The following MCTP1 variants were observed in gnomAD, a reference collection of about 807,000 sequenced individuals.
The protein encoded by MCTP1 is multiple C2 and transmembrane domain-containing protein 1.
Under a neutral mutation model 120.6 loss-of-function variants are expected in MCTP1, and 69 were observed. The ratio of observed to expected loss-of-function variants is 0.57; its 90% CI spans 0.47 to 0.70. The LOEUF (loss-of-function observed/expected upper bound fraction) is 0.70. Ranked by LOEUF, MCTP1 falls within the 30% of genes least tolerant of loss-of-function variation. The pLI, the probability that MCTP1 is intolerant of heterozygous loss-of-function variation, is 0.00. For synonymous variants in MCTP1, 529 were observed against 493.1 expected (o/e 1.07, Z -0.96); for missense variants, 1,203 against 1,248.8 (o/e 0.96, Z 0.55).
intron 2 of MCTP1, among the ~76,000 whole-genome samples, chr5:94,964,189 G>T (rs75418617): frequency 1.8e-4 from 27 of 152,076 alleles, no homozygotes; most frequent in African/African-American, 6.0e-4. Flanking sequence ...TGTGGCTTTT[G>T]ATTTTTAGCT....
intron 19 of MCTP1, among the ~76,000 whole-genome samples, chr5:94,751,344 T>C (rs182646236): frequency 6.6e-6 from 1 of 151,544 alleles, no homozygotes; most frequent in Non-Finnish European, 1.5e-5. Context: ...AATCACAGTT[T>C]AATTTCCTTC....
intron 1 of MCTP1, among the ~76,000 whole-genome samples, chr5:95,267,329 T>C (rs1410673462): frequency 1.3e-5 from 2 of 152,226 alleles, no homozygotes; most frequent in African/African-American, 2.4e-5. Flanking sequence ...TTTACAGTTG[T>C]AACATCTGGA....
chr5:94,819,118 T>TATTTATTTATTTATTCATTC (rs78332652), intron 17 of MCTP1, among the ~76,000 whole-genome samples: 51 of 140,728 alleles, frequency 3.6e-4, no homozygotes, highest in Non-Finnish European at 5.7e-4. Flanking sequence ...TTTATTTATT[T>TATTTATTTATTTATTCATTC]ATTCATTCAT....
At chr5:94,800,076 A>G (rs1394526154) in intron 17 of MCTP1, among the ~76,000 whole-genome samples, 1 of 152,192 alleles carries the variant, frequency 6.6e-6, no homozygotes, top group African/African-American at 2.4e-5. Flanking sequence ...AGCAACGTAT[A>G]TATCCCCTCT....
At chr5:94,750,109 T>G (rs1767940196) in intron 19 of MCTP1, among the ~76,000 whole-genome samples, 5 of 152,250 alleles carry the variant, frequency 3.3e-5, no homozygotes, top group Admixed American at 3.3e-4. Context: ...TTCCAGTCCC[T>G]TGTTCCCTTT....
chr5:95,100,172 T>C (rs891442081), intron 1 of MCTP1, among the ~76,000 whole-genome samples: 10 of 150,988 alleles, frequency 6.6e-5, no homozygotes, highest in Non-Finnish European at 1.2e-4. Flanking sequence ...TACCTAATGC[T>C]AGATGACGAG....
At chr5:95,094,801 G>A (rs995510749) in intron 1 of MCTP1, among the ~76,000 whole-genome samples, 9 of 151,836 alleles carry the variant, frequency 5.9e-5, no homozygotes, top group African/African-American at 1.9e-4. Context: ...TATACTATTA[G>A]CTATTATAAT....
At chr5:95,035,329 T>C (rs535351672) in intron 1 of MCTP1, among the ~76,000 whole-genome samples, 132 of 152,142 alleles carry the variant, frequency 8.7e-4, no homozygotes, top group African/African-American at 2.9e-3. Context: ...TAAGTGTCCA[T>C]CAGCAGTGAA....
At chr5:95,024,677 A>ACACACACACACACACACACC (rs1185400384) in intron 1 of MCTP1, among the ~76,000 whole-genome samples, 7 of 150,752 alleles carry the variant, frequency 4.6e-5, no homozygotes, top group African/African-American at 1.7e-4. Flanking sequence ...ACACACACAC[A>ACACACACACACACACACACC]CCCCTAAATG....
Position 94,707,473 on chromosome 5 carries a change from G to GTC in MCTP1, c.*21_*22dup, listed in dbSNP as rs1754937376. Reference sequence around the variant, plus strand: ...CTTTTATCTTCCCAAACAGATGCTGGTCTCCTCAGTGCTGGGAGCTGGCTA... The same window carrying GTC: ...CTTTTATCTTCCCAAACAGATGCTGGTCTCTCCTCAGTGCTGGGAGCTGGCTA... On this transcript the variant is annotated 3_prime_UTR_variant, in exon 23 of 23. Coordinates refer to ENST00000515393, the MANE Select transcript of MCTP1 (RefSeq NM_024717.7). The GTC allele has an allele frequency of 6.4e-7, 1 of 1,570,204 alleles. No homozygotes were observed. The highest frequency in any genetic ancestry group is 1.4e-5 in the African/African-American group (1 of 73,550).
intron 1 of MCTP1, among the ~76,000 whole-genome samples, chr5:95,130,983 G>T (rs1562167745): frequency 6.6e-6 from 1 of 152,028 alleles, no homozygotes; most frequent in East Asian, 1.9e-4. Flanking sequence ...GACACGTTTT[G>T]GTTTTGTTTT....
chr5:95,246,581 G>A (rs1033493697), intron 1 of MCTP1, among the ~76,000 whole-genome samples: 1 of 152,078 alleles, frequency 6.6e-6, no homozygotes, highest in Non-Finnish European at 1.5e-5. Flanking sequence ...CTACATAATG[G>A]TAAAGAGATC....
intron 19 of MCTP1, among the ~76,000 whole-genome samples, chr5:94,734,286 T>A (rs1249008693): frequency 6.6e-6 from 1 of 152,212 alleles, no homozygotes; most frequent in African/African-American, 2.4e-5. Flanking sequence ...TTTTTTAGGA[T>A]GCAGTCTTAT....
At chr5:95,191,345 A>AG (rs761631098) in intron 1 of MCTP1, among the ~76,000 whole-genome samples, 1 of 152,160 alleles carries the variant, frequency 6.6e-6, no homozygotes, top group Middle Eastern at 3.4e-3. Flanking sequence ...TTTTTTAAAA[A>AG]GAAACTTCTT....
Position 95,179,968 on chromosome 5 carries a change from G to C in MCTP1, c.720+103888C>G, listed in dbSNP as rs941834919. Among the ~76,000 whole-genome samples the C allele has an allele frequency of 2.0e-5, 3 of 152,104 alleles. No homozygotes were observed. The East Asian group carries it at 5.8e-4, about 29-fold the overall frequency. On this transcript the variant is annotated intron_variant, in intron 1 of 22. Transcript: ENST00000515393. Reference sequence around the variant, plus strand: ...TAGAAAAAGATATTCCATTCAAATAGAAACCAAAAGCAAGCAGGAGTAGCT... The same window carrying C: ...TAGAAAAAGATATTCCATTCAAATACAAACCAAAAGCAAGCAGGAGTAGCT...
chr5:95,196,079 C>T, intron 1 of MCTP1, among the ~76,000 whole-genome samples: 1 of 152,144 alleles, frequency 6.6e-6, no homozygotes, highest in Non-Finnish European at 1.5e-5. Context: ...ATGTTTATCG[C>T]TACTAGGAGC....
chr5:94,708,154 C>CTT (rs913915745), intron 22 of MCTP1: 7 of 161,040 alleles, frequency 4.3e-5, no homozygotes, highest in Non-Finnish European at 6.7e-5. Context: ...TCTGGAAAGA[C>CTT]TTTTTTTTCT....
At position 94,844,074 on chromosome 5, in the gene MCTP1, G is replaced by A. The variant is rs570293713; in HGVS notation, c.2436+24259C>T. On this transcript the variant is annotated intron_variant, in intron 17 of 22. Coordinates refer to ENST00000515393, the MANE Select transcript of MCTP1 (RefSeq NM_024717.7). ...TCTCAACACTTTGGGAGGCAGAGGC[G>A]GATGGATCACCTGCGGTCAGGAGTT... is the stretch of plus-strand genomic sequence containing the variant. 3.3e-5 allele frequency among the ~76,000 whole-genome samples: 5 copies of A among 152,066 alleles called. No homozygotes were observed. In the South Asian group the frequency reaches 8.3e-4, roughly 25 times the overall value.
At chr5:95,010,399 G>A (rs982436744) in intron 2 of MCTP1, among the ~76,000 whole-genome samples, 2 of 151,864 alleles carry the variant, frequency 1.3e-5, no homozygotes, top group Non-Finnish European at 2.9e-5. Context: ...CTCATTTCAA[G>A]CTATCCATCT....
Sources: allele counts gnomAD v4.1 joint callset (sites outside exome capture counted in the v4.1 genomes callset), GRCh38; gene constraint gnomAD v4.1.1; transcripts MANE v1.5; gene names NCBI Gene and HGNC (gene_info 2026-07-23, HGNC 2026-07-21).